The following SLC25A10 variants were observed in gnomAD, a reference collection of about 807,000 sequenced individuals.
SLC25A10 encodes mitochondrial dicarboxylate carrier.
SLC25A10 carries 32 observed loss-of-function variants against 40.4 expected under a neutral mutation model. The observed-to-expected ratio is 0.79, with a 90% confidence interval of 0.60 to 1.06. The LOEUF is 1.06. Ranked by LOEUF, SLC25A10 falls within the 50% of genes least tolerant of loss-of-function variation. The probability of loss-of-function intolerance (pLI) is 0.00; values close to 1 mark genes in which losing one functional copy is unlikely to be tolerated. For missense variants in SLC25A10, 394 were observed against 402.6 expected, an observed-to-expected ratio of 0.98 and a Z score of 0.18; for synonymous variants, 181 against 171.1, an observed-to-expected ratio of 1.06 and a Z score of -0.45.
intron 4 of SLC25A10, 51 bp downstream of exon 4, chr17:81,715,792 G>A (rs2037475667): frequency 6.2e-7 from 1 of 1,607,768 alleles, no homozygotes; most frequent in South Asian, 1.1e-5. Context: ...CTTGTCCCCA[G>A]ACATGCCAGG....
At chr17:81,716,243 C>T (rs1382062229) in intron 5 of SLC25A10, among the ~76,000 whole-genome samples, 193 bp downstream of exon 5, 2 of 152,200 alleles carry the variant, frequency 1.3e-5, no homozygotes, top group Non-Finnish European at 2.9e-5. Flanking sequence ...TGGGTTCTTC[C>T]TGTGGGGAGA....
rs2037470222 is a variant in SLC25A10, at chr17:81,715,575, T to C, written c.311T>C (p.Leu104Ser). The C allele has an allele frequency of 1.9e-6, 3 of 1,612,412 alleles. No homozygotes were observed. The highest frequency in any genetic ancestry group is 2.5e-6 in the Non-Finnish European group (3 of 1,179,710). ...CCTCTCCCCTTCCACGAGAAGGTGT[T>C]GCTGGGCTCCGTCAGCGGTGAGCTG... ...QGPLPFHEKV[L>S]LGSVSGLAGG... is the part of the protein sequence containing the mutation. Residue 104 changes from leucine (L) to serine (S), a missense_variant, in exon 3 of 11, where the codon TTG (leucine) becomes TCG (serine). Transcript: ENST00000350690.
At chr17:81,716,614 C>T (rs761106236) in intron 5 of SLC25A10, 198 bp from the exon 6 acceptor site, 31 of 607,542 alleles carry the variant, frequency 5.1e-5, no homozygotes, top group African/African-American at 2.6e-4. Context: ...ATGGAACCTC[C>T]TCCCTGAGGG....
At position 81,720,706 on chromosome 17, in the gene SLC25A10, GC is replaced by G; in HGVS notation, c.*630del. 2.4e-6 allele frequency: 1 copy of G among 413,212 alleles called. No individual in the cohort carries two copies. Among genetic ancestry groups the G allele is most frequent in the East Asian group, 3.6e-5 (1 of 27,902 alleles). 25.6% of individuals were successfully genotyped at this position (413,212 alleles called of 1,614,324 possible). A position where few individuals can be genotyped will look rare whatever the true frequency, so the allele number is the denominator to read the frequency against. ...GAGGGTCGAGGGCCACCGAGGTCCC[GC>G]GCACCGCTGCCTGCCCTGCAGTGGC... On this transcript the variant is annotated 3_prime_UTR_variant, in exon 11 of 11. Transcript: ENST00000350690.
In SLC25A10 at chr17:81,712,329, G is replaced by C. The variant is rs1022095116; in HGVS notation, c.-98G>C. 5 of 811,932 alleles carry C rather than the reference G, an allele frequency of 6.2e-6. No homozygotes were observed. The highest frequency in any genetic ancestry group is 7.9e-6 in the Non-Finnish European group (5 of 630,548). 50.3% of individuals were successfully genotyped at this position (811,932 alleles called of 1,614,324 possible). ...GGGCGCGCGGGCGGCGCTTTGAACC[G>C]GGCGCGGGGCGCGGGGCGCGGGGCG... On this transcript the variant is annotated 5_prime_UTR_variant, in exon 1 of 11. Transcript: ENST00000350690.
Position 81,720,655 on chromosome 17 carries a change from A to G in SLC25A10, c.*578A>G, listed in dbSNP as rs1210346108. 2 of 696,918 alleles carry G rather than the reference A, an allele frequency of 2.9e-6. No homozygotes were observed. Among genetic ancestry groups the G allele is most frequent in the African/African-American group, 1.8e-5 (1 of 54,074 alleles). The allele number at this position is 696,918 out of a possible 1,614,324, so 43.2% of individuals were successfully genotyped here. ...GCGAGTGCCTGGGAGGGAGTGGCCC[A>G]GGGTGGTTCTGGAGCCATTGTGGGT... On this transcript the variant is annotated 3_prime_UTR_variant, in exon 11 of 11. Transcript: ENST00000350690.
rs1422127298 is a variant in SLC25A10 at position 81,718,763 on chromosome 17, ATGG to A, written c.705+905_705+907del. 8.6e-5 allele frequency among the ~76,000 whole-genome samples: 13 copies of A among 150,608 alleles called. No homozygotes were observed. In the East Asian group the frequency reaches 1.9e-3, roughly 22 times the overall value. On this transcript the variant is annotated intron_variant, in intron 9 of 10. Coordinates refer to ENST00000350690, the MANE Select transcript of SLC25A10 (RefSeq NM_012140.5). Reference sequence around the variant, plus strand: ...GGAGTTGGAGACCAGCCTGACCAACATGGTGAAACCCCGTCTCTACTAAAAATG... The same window carrying A: ...GGAGTTGGAGACCAGCCTGACCAACATGAAACCCCGTCTCTACTAAAAATG...
chr17:81,717,021 C>T lies in SLC25A10; in HGVS notation c.483C>T (p.Phe161=), dbSNP rs2037501908. 1.9e-6 allele frequency: 3 copies of T among 1,613,758 alleles called. No homozygotes were observed. The Middle Eastern group carries it at 4.9e-4, about 266-fold the overall frequency. The change falls in exon 7 of 11, where the codon TTC becomes TTT. Residue 161 remains phenylalanine, a synonymous_variant. Coordinates refer to ENST00000350690, the MANE Select transcript of SLC25A10 (RefSeq NM_012140.5). The part of the protein sequence containing the change: ...VAREEGLRRL[F]SGATMASSRG... ...GTGCAGAGGGTCTCAGGAGACTGTTCTCGGGTGCAACCATGGCATCCAGCC... is the reference window on the plus strand; with the variant it reads ...GTGCAGAGGGTCTCAGGAGACTGTTTTCGGGTGCAACCATGGCATCCAGCC...
intron 1 of SLC25A10, among the ~76,000 whole-genome samples, chr17:81,714,205 G>A (rs1407453271): frequency 3.9e-5 from 6 of 152,202 alleles, no homozygotes; most frequent in Non-Finnish European, 8.8e-5. Flanking sequence ...GTCAGTGCTG[G>A]GGGTGGGACC....
Position 81,715,611 on chromosome 17 carries a change from G to C in SLC25A10, c.328+19G>C. 6 of 1,611,864 alleles carry C rather than the reference G, an allele frequency of 3.7e-6. No individual in the cohort carries two copies. The highest frequency in any genetic ancestry group is 2.2e-5 in the South Asian group (2 of 91,046). On this transcript the variant is annotated intron_variant, in intron 3 of 10. Coordinates refer to ENST00000350690, the MANE Select transcript of SLC25A10 (RefSeq NM_012140.5). ...GTCAGCGGTGAGCTGCCGGGCGGGA[G>C]GGGGAGGGGCGCGGGGTGGTCAGGT...
chr17:81,715,481 A>T lies in SLC25A10; in HGVS notation c.217A>T (p.Thr73Ser). The change falls in exon 3 of 11, where the codon ACC becomes TCC. Residue 73 changes from threonine to serine, a missense_variant. By Grantham distance (58) the Thr-to-Ser change is moderately conservative. Coordinates refer to ENST00000350690, the MANE Select transcript of SLC25A10 (RefSeq NM_012140.5). ...AAGCCAGGCCCTTCTCCCCCAGATGACCTACTCCCTGACTCGGTTCGCCAT... is the reference window on the plus strand; with the variant it reads ...AAGCCAGGCCCTTCTCCCCCAGATGTCCTACTCCCTGACTCGGTTCGCCAT... ...GLSASLCRQM[T>S]YSLTRFAIYE... 1 of 1,611,590 alleles carries T rather than the reference A, an allele frequency of 6.2e-7. No homozygotes were observed. The highest frequency in any genetic ancestry group is 1.1e-5 in the South Asian group (1 of 91,040).
rs1309907721 is a variant in SLC25A10, at chr17:81,712,334, C to T, written c.-93C>T. 4.6e-6 allele frequency: 4 copies of T among 864,452 alleles called. No homozygotes were observed. Among genetic ancestry groups the T allele is most frequent in the South Asian group, 5.5e-5 (1 of 18,122 alleles). 53.5% of individuals were successfully genotyped at this position (864,452 alleles called of 1,614,324 possible). A position where few individuals can be genotyped will look rare whatever the true frequency, so the allele number is the denominator to read the frequency against. On this transcript the variant is annotated 5_prime_UTR_variant, in exon 1 of 11. Coordinates refer to ENST00000350690, the MANE Select transcript of SLC25A10 (RefSeq NM_012140.5). ...CGCGGGCGGCGCTTTGAACCGGGCG[C>T]GGGGCGCGGGGCGCGGGGCGCTGCG...
At chr17:81,718,696 T>A (rs997559224) in intron 9 of SLC25A10, among the ~76,000 whole-genome samples, 24 of 150,900 alleles carry the variant, frequency 1.6e-4, no homozygotes, top group African/African-American at 5.4e-4. Flanking sequence ...ACGCCTGTAA[T>A]CCCAACACTT....
Position 81,715,970 on chromosome 17 carries a change from C to T in SLC25A10, c.378-39C>T, listed in dbSNP as rs1568230113. ...TGCTGCCAGGGCTGCCCATGCCCCT[C>T]GGCCCGCCCGCCCCTCCCGCCACCT... is the stretch of plus-strand genomic sequence containing the variant. On this transcript the variant is annotated intron_variant, in intron 4 of 10. Transcript: ENST00000350690. 6 of 1,529,802 alleles carry T rather than the reference C, an allele frequency of 3.9e-6. No individual in the cohort carries two copies. In the African/African-American group the frequency reaches 4.1e-5, roughly 10 times the overall value. The allele number at this position is 1,529,802 out of a possible 1,614,324, so 94.8% of individuals were successfully genotyped here.
Position 81,715,578 on chromosome 17 carries a change from TGGGCTCCGTCAGCGGTGAGCTGCC to T in SLC25A10, c.319_328+14del. 6.2e-7 allele frequency: 1 copy of T among 1,610,624 alleles called. No individual in the cohort carries two copies. Among genetic ancestry groups the T allele is most frequent in the Non-Finnish European group, 8.5e-7 (1 of 1,178,604 alleles). On this transcript the variant is annotated splice_donor_variant and splice_donor_5th_base_variant and coding_sequence_variant and intron_variant, in exon 3 of 11. Coordinates refer to ENST00000350690, the MANE Select transcript of SLC25A10 (RefSeq NM_012140.5). LOFTEE classifies it high-confidence loss of function. ...CTCCCCTTCCACGAGAAGGTGTTGCTGGGCTCCGTCAGCGGTGAGCTGCCGGGCGGGAGGGGGAGGGGCGCGGGG... is the reference window on the plus strand; with the variant it reads ...CTCCCCTTCCACGAGAAGGTGTTGCTGGGCGGGAGGGGGAGGGGCGCGGGG...
intron 1 of SLC25A10, among the ~76,000 whole-genome samples, chr17:81,714,303 C>T (rs2037437588): frequency 6.6e-6 from 1 of 152,174 alleles, no homozygotes; most frequent in African/African-American, 2.4e-5. Context: ...GCTGGCCAGG[C>T]GAGGAGGCAG....
rs920671048 is a variant in SLC25A10, at chr17:81,712,535, G to T, written c.93+16G>T. The T allele has an allele frequency of 5.1e-5, 63 of 1,235,020 alleles. No individual in the cohort carries two copies. In the Middle Eastern group the frequency reaches 1.2e-3, roughly 24 times the overall value. The allele number at this position is 1,235,020 out of a possible 1,614,324, so 76.5% of individuals were successfully genotyped here. On this transcript the variant is annotated intron_variant, in intron 1 of 10. Transcript: ENST00000350690. ...CCTGCTCAAGGTGAGGCCGGGGCCC[G>T]GGACGCGGGGCGGATGGGACCCTGG... is the stretch of plus-strand genomic sequence containing the variant.
chr17:81,720,974 T>A lies in SLC25A10; in HGVS notation c.*897T>A, dbSNP rs1395597465. ...ACCCCACCTGGGAAGGGCAGTGTGC[T>A]CTGTGGGGGCTGCAATCAATAAATG... is the stretch of plus-strand genomic sequence containing the variant. On this transcript the variant is annotated 3_prime_UTR_variant, in exon 11 of 11. Transcript: ENST00000350690. The A allele has an allele frequency of 6.5e-6, 1 of 154,412 alleles. No individual in the cohort carries two copies. 9.6% of individuals were successfully genotyped at this position (154,412 alleles called of 1,614,324 possible). A position where few individuals can be genotyped will look rare whatever the true frequency, so the allele number is the denominator to read the frequency against.
intron 7 of SLC25A10, 144 bp from the exon 8 acceptor site, chr17:81,717,255 C>T (rs769463633): frequency 4.0e-6 from 4 of 1,004,584 alleles, no homozygotes; most frequent in East Asian, 2.5e-5. Context: ...GGACCTCGGG[C>T]AGGTGCCTCC....
Sources: allele counts gnomAD v4.1 joint callset (sites outside exome capture counted in the v4.1 genomes callset), GRCh38; gene constraint gnomAD v4.1.1; transcripts MANE v1.5; gene names NCBI Gene and HGNC (gene_info 2026-07-23, HGNC 2026-07-21).